TENM2: variants seen among roughly 807,000 people sequenced by gnomAD.
TENM2 encodes the protein teneurin-2.
TENM2 carries 52 observed loss-of-function variants against 245.2 expected under a neutral mutation model. The observed-to-expected ratio is 0.21, with a 90% CI of 0.17 to 0.27. The LOEUF (loss-of-function observed/expected upper bound fraction) is 0.27, where lower values mean the gene tolerates loss of function less well. TENM2 is among the 10% of genes least tolerant of loss of function. TENM2 has a pLI of 1.00. For synonymous variants in TENM2, 1,363 were observed against 1,438.9 expected, an observed-to-expected ratio of 0.95 and a Z score of 1.19; for missense variants, 3,046 against 3,666.8, an observed-to-expected ratio of 0.83 and a Z score of 4.37.
chr5:167,615,027 T>C (rs1294190651), intron 2 of TENM2, among the ~76,000 whole-genome samples: 1 of 152,178 alleles, frequency 6.6e-6, no homozygotes, highest in Non-Finnish European at 1.5e-5. Context: ...GTTATGTTTA[T>C]GTAAACGAGG....
chr5:167,272,569 A>G, the TENM2 span, among the ~76,000 whole-genome samples: 1 of 152,170 alleles, frequency 6.6e-6, no homozygotes, highest in African/African-American at 2.4e-5. Flanking sequence ...AAATTAAGAA[A>G]TAAGAAAGTT....
intron 24 of TENM2, 73 bp from the exon 27 acceptor site, chr5:168,227,822 G>C: frequency 1.0e-6 from 1 of 985,930 alleles, no homozygotes; most frequent in African/African-American, 1.6e-5. Flanking sequence ...AAAAAATAGG[G>C]GTTCTATTCT....
At chr5:167,306,303 A>G (rs1755671680) in intron 1 of TENM2, 1 of 152,216 alleles carries the variant, frequency 6.6e-6, no homozygotes, top group Non-Finnish European at 1.5e-5. Flanking sequence ...TGGGTCCGGC[A>G]CTGTTGTACT....
chr5:167,886,361 C>T (rs1774290405), intron 3 of TENM2, among the ~76,000 whole-genome samples: 1 of 152,112 alleles, frequency 6.6e-6, no homozygotes, highest in Non-Finnish European at 1.5e-5. Context: ...CCGCATGGCC[C>T]AGCTCTGAAT....
In TENM2 at chr5:167,907,232, CAAATAAAT is replaced by C. The variant is rs10650485; in HGVS notation, c.712+31060_712+31067del. Among the ~76,000 whole-genome samples the C allele has an allele frequency of 2.6e-3, 382 of 148,148 alleles. 3 individuals are homozygous for C. Among genetic ancestry groups the C allele is most frequent in the African/African-American group, 8.2e-3 (330 of 40,020 alleles). On this transcript the variant is annotated intron_variant, in intron 3 of 28. Coordinates refer to ENST00000518659, the Ensembl canonical transcript of TENM2. ...GTGCAAAAAGAGTGAAACTCCGTCTCAAATAAATAAATAAATAAATAAATAAATAACAT... is the reference window on the plus strand; with the variant it reads ...GTGCAAAAAGAGTGAAACTCCGTCTCAAATAAATAAATAAATAAATAACAT...
At chr5:167,668,350 C>T (rs1755708268) in intron 2 of TENM2, among the ~76,000 whole-genome samples, 1 of 152,186 alleles carries the variant, frequency 6.6e-6, no homozygotes, top group South Asian at 2.1e-4. Flanking sequence ...CTGATTTATA[C>T]TGCTTATGAC....
chr5:167,717,646 A>G (rs897145512), intron 2 of TENM2, among the ~76,000 whole-genome samples: 5 of 152,112 alleles, frequency 3.3e-5, no homozygotes, highest in South Asian at 2.1e-4. Context: ...TTCTGGTTGA[A>G]GGACTTATAG....
chr5:167,503,080 G>A (rs1163185515), intron 2 of TENM2, among the ~76,000 whole-genome samples: 1 of 152,078 alleles, frequency 6.6e-6, no homozygotes, highest in African/African-American at 2.4e-5. Flanking sequence ...ACCCGACTCG[G>A]CCTCCTAAAG....
the TENM2 span, among the ~76,000 whole-genome samples, chr5:167,246,439 T>C: frequency 3.3e-5 from 5 of 151,560 alleles, no homozygotes; most frequent in African/African-American, 9.8e-5. Flanking sequence ...TCTGTATATA[T>C]GTATATGTAT....
the TENM2 span, among the ~76,000 whole-genome samples, chr5:167,278,682 G>T: frequency 6.6e-6 from 1 of 152,054 alleles, no homozygotes; most frequent in Admixed American, 6.6e-5. Context: ...TGAATAAAGT[G>T]TGGAAGCCTT....
At chr5:167,495,375 A>T (rs1275164025) in intron 2 of TENM2, among the ~76,000 whole-genome samples, 1 of 151,934 alleles carries the variant, frequency 6.6e-6, no homozygotes, top group Non-Finnish European at 1.5e-5. Flanking sequence ...TACAGTGGCA[A>T]CCCCTTCTTC....
intron 2 of TENM2, among the ~76,000 whole-genome samples, chr5:167,628,993 T>A (rs1213955131): frequency 6.6e-6 from 1 of 152,198 alleles, no homozygotes; most frequent in African/African-American, 2.4e-5. Context: ...AAATTAATGA[T>A]AATTATCATA....
In TENM2 at chr5:168,208,823, G is replaced by A. The variant is rs1762572669; in HGVS notation, c.3825-2911G>A. Among the ~76,000 whole-genome samples the A allele has an allele frequency of 2.0e-5, 3 of 151,834 alleles. No individual in the cohort carries two copies. In the South Asian group the frequency reaches 6.2e-4, roughly 32 times the overall value. ...CAATTTCAGAGGCTCTATCTAAGAA[G>A]AAAAAACTAAAATTATAAATATGAA... On this transcript the variant is annotated intron_variant, in intron 19 of 28. Coordinates refer to ENST00000518659, the Ensembl canonical transcript of TENM2.
chr5:167,321,828 A>T (rs1422486182), intron 1 of TENM2, among the ~76,000 whole-genome samples: 2 of 40,412 alleles, frequency 4.9e-5, no homozygotes, highest in South Asian at 1.2e-3. Flanking sequence ...GGGGGGGTGG[A>T]TGGAGTCACT....
intron 2 of TENM2, among the ~76,000 whole-genome samples, chr5:167,406,851 A>G (rs899539413): frequency 3.9e-5 from 6 of 152,122 alleles, no homozygotes; most frequent in African/African-American, 1.4e-4. Flanking sequence ...TGTATGTGTC[A>G]TGGTGGTGTC....
chr5:167,555,202 G>A (rs1773192105), intron 2 of TENM2, among the ~76,000 whole-genome samples: 2 of 152,076 alleles, frequency 1.3e-5, no homozygotes, highest in Non-Finnish European at 2.9e-5. Flanking sequence ...TACCTAATTT[G>A]GGGCTGGCTA....
At chr5:167,884,872 A>G (rs777142369) in intron 3 of TENM2, among the ~76,000 whole-genome samples, 8 of 152,170 alleles carry the variant, frequency 5.3e-5, no homozygotes, top group Non-Finnish European at 7.4e-5. Flanking sequence ...CATTCCCACC[A>G]GCAATACACA....
At chr5:167,470,526 T>C (rs1176239630) in intron 2 of TENM2, among the ~76,000 whole-genome samples, 2 of 147,774 alleles carry the variant, frequency 1.4e-5, no homozygotes, top group African/African-American at 2.5e-5. Flanking sequence ...TAATTTAGTC[T>C]GGCTTTTATT....
intron 2 of TENM2, among the ~76,000 whole-genome samples, chr5:167,692,844 G>A (rs977593835): frequency 6.6e-6 from 1 of 152,188 alleles, no homozygotes; most frequent in African/African-American, 2.4e-5. Context: ...TAGAATTGTG[G>A]CAGATGGACG....
Sources: gnomAD v4.1 joint callset for allele counts (sites outside exome capture counted in the v4.1 genomes callset) on GRCh38, gnomAD v4.1.1 for gene constraint, MANE v1.5 for transcripts, NCBI Gene and HGNC (gene_info 2026-07-23, HGNC 2026-07-21) for gene names.